The following LYG2 variants were observed in gnomAD, a reference collection of about 807,000 sequenced individuals.
LYG2 encodes lysozyme g-like protein 2.
LYG2 carries 25 observed loss-of-function variants against 22.4 expected under a neutral mutation model. The observed-to-expected ratio is 1.12, with a 90% CI of 0.81 to 1.56. The LOEUF is 1.56. Ranked by LOEUF, LYG2 falls within the 40% of genes most tolerant of loss-of-function variation. The probability of loss-of-function intolerance (pLI) is 0.00; values close to 1 mark genes in which losing one functional copy is unlikely to be tolerated. For missense variants in LYG2, 266 were observed against 269.5 expected, an observed-to-expected ratio of 0.99 and a Z score of 0.09; for synonymous variants, 88 against 97.0, an observed-to-expected ratio of 0.91 and a Z score of 0.55.
At position 99,246,763 on chromosome 2, in the gene LYG2, CGTGGA is replaced by C; in HGVS notation, c.96_100del (p.His32GlnfsTer21). The C allele has an allele frequency of 6.2e-7, 1 of 1,614,072 alleles. No homozygotes were observed. Among genetic ancestry groups the C allele is most frequent in the South Asian group, 1.1e-5 (1 of 91,078 alleles). ...GTCCCCATAGCAGCCGTGGTACAGG[CGTGGA>C]TGTAGGTGAGGCTTCATTGAGTGAC... is the stretch of plus-strand genomic sequence containing the variant. On this transcript the variant is annotated frameshift_variant, in exon 4 of 7. Coordinates refer to ENST00000333017, the MANE Select transcript of LYG2 (RefSeq NM_175735.4). LOFTEE classifies it high-confidence loss of function.
At chr2:99,243,530 A>ATAGG in intron 6 of LYG2, 2 of 1,527,152 alleles carry the variant, frequency 1.3e-6, no homozygotes, top group South Asian at 2.4e-5. Context: ...AGATAGATAG[A>ATAGG]TAGATAGATA....
chr2:99,247,212 C>T (rs1177740060), intron 3 of LYG2, among the ~76,000 whole-genome samples: 2 of 152,098 alleles, frequency 1.3e-5, no homozygotes, highest in Non-Finnish European at 2.9e-5. Flanking sequence ...CCCACCCCAG[C>T]CTCCTGAGTA....
Position 99,245,526 on chromosome 2 carries a change from C to A in LYG2, c.185-68G>T, listed in dbSNP as rs369507655. On this transcript the variant is annotated intron_variant, in intron 4 of 6. Coordinates refer to ENST00000333017, the MANE Select transcript of LYG2 (RefSeq NM_175735.4). Reference sequence around the variant, plus strand: ...GTGTGCCTGAAGTCAGTTCCTGCTACACAGGAGGCTGAAACAGGAGGATTG... The same window carrying A: ...GTGTGCCTGAAGTCAGTTCCTGCTAAACAGGAGGCTGAAACAGGAGGATTG... 6.1e-6 allele frequency: 6 copies of A among 986,548 alleles called. No homozygotes were observed. In the South Asian group the frequency reaches 1.1e-4, roughly 17 times the overall value. The allele number at this position is 986,548 out of a possible 1,614,324, so 61.1% of individuals were successfully genotyped here. A position where few individuals can be genotyped will look rare whatever the true frequency, so the allele number is the denominator to read the frequency against.
chr2:99,254,832 G>A (rs2094033254), intron 2 of LYG2, among the ~76,000 whole-genome samples, 188 bp downstream of exon 2: 1 of 152,108 alleles, frequency 6.6e-6, no homozygotes, highest in African/African-American at 2.4e-5. Flanking sequence ...ACCATGCCTG[G>A]GTGTTTCCAT....
At chr2:99,248,742 A>G (rs1408601619) in intron 3 of LYG2, among the ~76,000 whole-genome samples, 1 of 149,750 alleles carries the variant, frequency 6.7e-6, no homozygotes, top group Non-Finnish European at 1.5e-5. Context: ...ATAATAATAA[A>G]ATAAAATAAA....
At chr2:99,243,786 C>T in intron 6 of LYG2, 1 of 603,456 alleles carries the variant, frequency 1.7e-6, no homozygotes, top group South Asian at 2.2e-5. Context: ...AATAAGAACC[C>T]CAACATTCTG....
intron 6 of LYG2, among the ~76,000 whole-genome samples, chr2:99,243,234 G>T (rs1415362455): frequency 6.6e-6 from 1 of 152,138 alleles, no homozygotes; most frequent in Non-Finnish European, 1.5e-5. Flanking sequence ...AGGCTGGGAT[G>T]ACTGGCTATA....
At position 99,245,253 on chromosome 2, in the gene LYG2, G is replaced by C; in HGVS notation, c.381+9C>G. ...CAGTGGGGCTGATAGAAAGTTTCTA[G>C]CTAAATACCTGCATCAAGCCAAATT... On this transcript the variant is annotated intron_variant, in intron 5 of 6. Coordinates refer to ENST00000333017, the MANE Select transcript of LYG2 (RefSeq NM_175735.4). The C allele has an allele frequency of 6.3e-7, 1 of 1,583,838 alleles. No individual in the cohort carries two copies. Among genetic ancestry groups the C allele is most frequent in the Non-Finnish European group, 8.6e-7 (1 of 1,162,518 alleles).
chr2:99,261,522 C>T, the LYG2 span, among the ~76,000 whole-genome samples: 5 of 152,196 alleles, frequency 3.3e-5, no homozygotes, highest in African/African-American at 7.2e-5. Context: ...CTCTCCAACT[C>T]ATTCTCCTTA....
Position 99,254,234 on chromosome 2 carries a change from T to TC in LYG2, c.26dup (p.Leu10ThrfsTer45). 1 of 1,614,060 alleles carries TC rather than the reference T, an allele frequency of 6.2e-7. No individual in the cohort carries two copies. The highest frequency in any genetic ancestry group is 8.5e-7 in the Non-Finnish European group (1 of 1,179,966). Reference sequence around the variant, plus strand: ...GTGACTTACCAATGAGGGCAATTAGTCCCCAAAACACCACGGAGGATAACA... The same window carrying TC: ...GTGACTTACCAATGAGGGCAATTAGTCCCCCAAAACACCACGGAGGATAACA... On this transcript the variant is annotated frameshift_variant, in exon 3 of 7. Transcript: ENST00000333017. LOFTEE classifies it high-confidence loss of function.
chr2:99,245,663 T>C (rs1211172636), intron 4 of LYG2, among the ~76,000 whole-genome samples: 1 of 151,710 alleles, frequency 6.6e-6, no homozygotes, highest in Non-Finnish European at 1.5e-5. Context: ...AGAAACTGTT[T>C]CTTCTACTTC....
chr2:99,245,036 C>T (rs559564316), intron 5 of LYG2, among the ~76,000 whole-genome samples: 3 of 150,904 alleles, frequency 2.0e-5, no homozygotes, highest in South Asian at 2.1e-4. Flanking sequence ...CACTTGAACC[C>T]GGGAGTGGAG....
intron 5 of LYG2, 134 bp downstream of exon 5, chr2:99,245,127 AT>A: frequency 1.9e-5 from 18 of 939,048 alleles, no homozygotes; most frequent in Middle Eastern, 3.7e-4. Context: ...AAAAAAAAAA[AT>A]TATGCTGGAG....
the LYG2 span, among the ~76,000 whole-genome samples, chr2:99,260,953 C>T: frequency 6.6e-6 from 1 of 152,238 alleles, no homozygotes; most frequent in Non-Finnish European, 1.5e-5. Context: ...ACTTAGAAAA[C>T]GGAGAGCATG....
chr2:99,246,311 G>A (rs1158794091), intron 4 of LYG2, among the ~76,000 whole-genome samples: 13 of 152,112 alleles, frequency 8.5e-5, no homozygotes, highest in South Asian at 4.1e-4. Context: ...TGCCAGCTCC[G>A]ACACTCTAAA....
At chr2:99,255,989 G>A (rs576434437), upstream of LYG2, among the ~76,000 whole-genome samples, 37 of 152,278 alleles carry the variant, frequency 2.4e-4, no homozygotes, top group African/African-American at 8.7e-4. Flanking sequence ...AAAGCACATT[G>A]CGCTGAGGGG....
intron 4 of LYG2, 32 bp downstream of exon 4, chr2:99,246,648 G>A: frequency 6.2e-7 from 1 of 1,601,438 alleles, no homozygotes; most frequent in Non-Finnish European, 8.5e-7. Flanking sequence ...ATGAAAGGGG[G>A]AAGCCAGTCA....
chr2:99,253,051 A>AC (rs1158543206), intron 3 of LYG2, among the ~76,000 whole-genome samples: 1 of 149,816 alleles, frequency 6.7e-6, no homozygotes, highest in African/African-American at 2.4e-5. Flanking sequence ...TCTGTCTCAA[A>AC]AAAAAAAAAA....
intron 3 of LYG2, among the ~76,000 whole-genome samples, chr2:99,250,515 C>G (rs761803414): frequency 6.6e-6 from 1 of 152,076 alleles, no homozygotes; most frequent in Non-Finnish European, 1.5e-5. Context: ...GCTGGGACTA[C>G]AGGCGCCTGC....
Sources: gnomAD v4.1 joint callset for allele counts (sites outside exome capture counted in the v4.1 genomes callset) on GRCh38, gnomAD v4.1.1 for gene constraint, MANE v1.5 for transcripts, NCBI Gene and HGNC (gene_info 2026-07-23, HGNC 2026-07-21) for gene names.